ABCA1: variants seen among roughly 807,000 people sequenced by gnomAD.
The protein encoded by ABCA1 is phospholipid-transporting ATPase ABCA1.
A neutral mutation model predicts 262.5 loss-of-function variants in ABCA1; 133 were observed. The observed-to-expected ratio is 0.51, with a 90% confidence interval of 0.44 to 0.59. The LOEUF (loss-of-function observed/expected upper bound fraction) is 0.59. ABCA1 is among the 20% of genes least tolerant of loss of function. The pLI is 0.00. For synonymous variants in ABCA1, 1,022 were observed against 1,043.5 expected (o/e 0.98, Z 0.40); for missense variants, 2,452 against 2,777.5 (o/e 0.88, Z 2.63).
At chr9:104,845,677 C>A (rs372581523) in intron 7 of ABCA1, 108 bp from the exon 8 acceptor site, 9 of 781,270 alleles carry the variant, frequency 1.2e-5, no homozygotes, top group East Asian at 2.7e-5. Flanking sequence ...GTTTAACAAA[C>A]AAGAAACCGA....
chr9:104,818,569 TG>T, intron 23 of ABCA1, 93 bp downstream of exon 23: 1 of 1,237,802 alleles, frequency 8.1e-7, no homozygotes, highest in Non-Finnish European at 1.2e-6. Context: ...GGTTTCAACA[TG>T]GCAAAAGGGG....
At chr9:104,801,086 T>C (rs1022927987) in intron 34 of ABCA1, among the ~76,000 whole-genome samples, 6 of 146,004 alleles carry the variant, frequency 4.1e-5, no homozygotes, top group Non-Finnish European at 8.9e-5. Context: ...AGTGAGTACT[T>C]ATCAGGTCCT....
intron 8 of ABCA1, among the ~76,000 whole-genome samples, chr9:104,842,174 C>A (rs1200990418): frequency 4.6e-5 from 7 of 152,144 alleles, no homozygotes; most frequent in Admixed American, 4.6e-4. Flanking sequence ...GGTCAGAGGC[C>A]ACAAGGATTT....
Position 104,794,498 on chromosome 9 carries a change from T to G in ABCA1, c.5395A>C (p.Ile1799Leu), listed in dbSNP as rs772285736. ...ELFTDNKLNNINDILKSVFLI... is the reference protein window; with the variant it reads ...ELFTDNKLNNLNDILKSVFLI... The stretch of plus-strand genomic sequence containing the variant: ...AACACGGACTTCAGGATATCATTGA[T>G]ATTATTCAGCTTCTAAAAAAAAAAA... The change falls in exon 40 of 50, where the codon ATC becomes CTC. Residue 1799 changes from isoleucine to leucine, a missense_variant. By Grantham distance (5) the Ile-to-Leu change is conservative. Around this residue, in one of 4 missense-constraint regions of ABCA1, gnomAD observed 752 missense variants for 944.5 expected, o/e 0.80. Coordinates refer to ENST00000374736, the MANE Select transcript of ABCA1 (RefSeq NM_005502.4). 1 of 1,580,592 alleles carries G rather than the reference T, an allele frequency of 6.3e-7. No individual in the cohort carries two copies. Among genetic ancestry groups the G allele is most frequent in the Non-Finnish European group, 8.6e-7 (1 of 1,168,226 alleles).
chr9:104,841,659 CA>C (rs1349364183), intron 8 of ABCA1, among the ~76,000 whole-genome samples: 1 of 152,002 alleles, frequency 6.6e-6, no homozygotes, highest in Non-Finnish European at 1.5e-5. Context: ...TACTCATCAT[CA>C]AGACAGCAAA....
chr9:104,885,677 G>A (rs1564247132), intron 3 of ABCA1, among the ~76,000 whole-genome samples: 1 of 152,144 alleles, frequency 6.6e-6, no homozygotes, highest in Non-Finnish European at 1.5e-5. Flanking sequence ...ATTCGGTCTG[G>A]CACAGTTTGG....
At chr9:104,876,489 T>C (rs1448780351) in intron 5 of ABCA1, among the ~76,000 whole-genome samples, 2 of 152,190 alleles carry the variant, frequency 1.3e-5, no homozygotes, top group South Asian at 2.1e-4. Context: ...TGAGAGTCTG[T>C]AGTCCAGATT....
chr9:104,902,616 C>A (rs1269829394), intron 2 of ABCA1, among the ~76,000 whole-genome samples: 1 of 152,040 alleles, frequency 6.6e-6, no homozygotes, highest in African/African-American at 2.4e-5. Context: ...AAGTTTATAC[C>A]TACTTTTACT....
intron 5 of ABCA1, among the ~76,000 whole-genome samples, chr9:104,862,664 C>CGGGCAGGGCAGGGCAGGGCA (rs1259928828): frequency 1.4e-4 from 1 of 7,066 alleles, no homozygotes; most frequent in African/African-American, 5.5e-4. Context: ...CGGGCCGGGC[C>CGGGCAGGGCAGGGCAGGGCA]GGGCCGGGCC....
intron 31 of ABCA1, 40 bp downstream of exon 31, chr9:104,806,201 T>C: frequency 1.3e-6 from 2 of 1,599,876 alleles, no homozygotes; most frequent in Non-Finnish European, 1.7e-6. Context: ...CAGCCCATCC[T>C]GCACCCCTTC....
At chr9:104,852,707 C>G (rs1324678240) in intron 7 of ABCA1, among the ~76,000 whole-genome samples, 1 of 152,166 alleles carries the variant, frequency 6.6e-6, no homozygotes, top group Non-Finnish European at 1.5e-5. Flanking sequence ...TCATTCCACC[C>G]ATTACCAACC....
chr9:104,845,379 G>A (rs2119051964), intron 8 of ABCA1, 98 bp downstream of exon 8: 1 of 788,174 alleles, frequency 1.3e-6, no homozygotes, highest in East Asian at 2.5e-5. Flanking sequence ...TACATCCCAT[G>A]TGATATTCAA....
Position 104,889,093 on chromosome 9 carries a change from G to T in ABCA1, c.160+9C>A, listed in dbSNP as rs770874881. Reference sequence around the variant, plus strand: ...TGGTGAGTCTCAGGCAACATCCACAGTTACTTACATTCATGTTGTTCATAG... The same window carrying T: ...TGGTGAGTCTCAGGCAACATCCACATTTACTTACATTCATGTTGTTCATAG... On this transcript the variant is annotated intron_variant, in intron 3 of 49. Transcript: ENST00000374736. 1 of 1,611,954 alleles carries T rather than the reference G, an allele frequency of 6.2e-7. No homozygotes were observed. Among genetic ancestry groups the T allele is most frequent in the Non-Finnish European group, 8.5e-7 (1 of 1,178,140 alleles).
At chr9:104,818,965 A>T in intron 22 of ABCA1, 82 bp from the exon 23 acceptor site, 1 of 1,328,750 alleles carries the variant, frequency 7.5e-7, no homozygotes, top group Non-Finnish European at 1.1e-6. Context: ...CTAGAGAGAT[A>T]TTAGCAGGGG....
At chr9:104,870,738 G>A (rs1158900556) in intron 5 of ABCA1, among the ~76,000 whole-genome samples, 1 of 152,166 alleles carries the variant, frequency 6.6e-6, no homozygotes, top group Non-Finnish European at 1.5e-5. Flanking sequence ...TCACCTGGCT[G>A]CAGGTGGGCT....
Position 104,818,681 on chromosome 9 carries a change from A to G in ABCA1, c.3444T>C (p.Thr1148=). 6.2e-7 allele frequency: 1 copy of G among 1,613,254 alleles called. No individual in the cohort carries two copies. Among genetic ancestry groups the G allele is most frequent in the South Asian group, 1.1e-5 (1 of 91,034 alleles). The change falls in exon 23 of 50, where the codon ACT becomes ACC. Residue 1148 remains threonine (T), a synonymous_variant. Transcript: ENST00000374736. The stretch of plus-strand genomic sequence containing the variant: ...AGCTCACCTTTTTCAGGTATGACAC[A>G]GTGCTACTACTGTTTCTGCAGGAAC... ...SLSSCRNSSS[T]VSYLKKEDSV...
Position 104,856,110 on chromosome 9 carries a change from T to C in ABCA1, c.720+2412A>G, listed in dbSNP as rs775213596. ...CCATCTACCATCACAAATGTTGAAA[T>C]TTCAACCAAGCAGCAATAGAAAAAG... On this transcript the variant is annotated intron_variant, in intron 7 of 49. Coordinates refer to ENST00000374736, the MANE Select transcript of ABCA1 (RefSeq NM_005502.4). The C allele has an allele frequency of 4.4e-6, 7 of 1,573,098 alleles. No individual in the cohort carries two copies. In the African/African-American group the frequency reaches 9.5e-5, roughly 21 times the overall value.
chr9:104,904,546 C>T (rs769173974), intron 1 of ABCA1, among the ~76,000 whole-genome samples: 18 of 138,998 alleles, frequency 1.3e-4, no homozygotes, highest in Non-Finnish European at 2.6e-4. Context: ...AGCATGGCGA[C>T]AGAGCGAGAC....
intron 7 of ABCA1, chr9:104,856,184 C>A: frequency 1.4e-6 from 2 of 1,430,980 alleles, no homozygotes; most frequent in East Asian, 2.5e-5. Flanking sequence ...AATTAAGGCC[C>A]TGCTTAATTC....
Sources: gnomAD v4.1 joint callset for allele counts (sites outside exome capture counted in the v4.1 genomes callset) on GRCh38, gnomAD v4.1.1 for gene constraint, gnomAD v4.1.1 regional missense constraint, MANE v1.5 for transcripts, NCBI Gene and HGNC (gene_info 2026-07-23, HGNC 2026-07-21) for gene names.